Variants in AKT3 observed in about 807,000 individuals in gnomAD.
AKT3 encodes the protein RAC-gamma serine/threonine-protein kinase.
AKT3 carries 15 observed loss-of-function variants against 65.3 expected under a neutral mutation model. That is an observed-to-expected ratio of 0.23 (90% CI 0.15 to 0.35). AKT3 has a LOEUF of 0.35. AKT3 is among the 10% of genes least tolerant of loss of function. AKT3 has a pLI of 1.00. For missense variants in AKT3, 243 were observed against 576.5 expected, an observed-to-expected ratio of 0.42 and a Z score of 5.92; for synonymous variants, 206 against 183.8, an observed-to-expected ratio of 1.12 and a Z score of -0.98.
chr1:243,689,481 GATT>G (rs1684553069), intron 3 of AKT3, among the ~76,000 whole-genome samples: 1 of 135,690 alleles, frequency 7.4e-6, no homozygotes, highest in African/African-American at 2.9e-5. Flanking sequence ...TTTATTCAAA[GATT>G]TTTTTTTTTT....
In AKT3 at chr1:243,509,107, G is replaced by A. The variant is rs545488128; in HGVS notation, c.1354+3217C>T. Among the ~76,000 whole-genome samples the A allele has an allele frequency of 9.9e-5, 15 of 152,262 alleles. No individual in the cohort carries two copies. The East Asian group carries it at 2.1e-3, about 22-fold the overall frequency. On this transcript the variant is annotated intron_variant, in intron 13 of 13. Coordinates refer to ENST00000673466, the MANE Select transcript of AKT3 (RefSeq NM_005465.7). Reference sequence around the variant, plus strand: ...ACCTATTATCATTTAAAGACACCAAGGTTGTAGGGCTTTTACAGCATGATC... The same window carrying A: ...ACCTATTATCATTTAAAGACACCAAAGTTGTAGGGCTTTTACAGCATGATC...
intron 2 of AKT3, among the ~76,000 whole-genome samples, chr1:243,798,174 T>C (rs1437923365): frequency 6.8e-6 from 1 of 147,726 alleles, no homozygotes; most frequent in Non-Finnish European, 1.5e-5. Flanking sequence ...CCCAAAGTGC[T>C]GGGATTACAG....
At chr1:243,694,984 G>A (rs1684967397) in intron 3 of AKT3, among the ~76,000 whole-genome samples, 1 of 151,968 alleles carries the variant, frequency 6.6e-6, no homozygotes, top group Admixed American at 6.6e-5. Flanking sequence ...TATATTTGAA[G>A]AGTTGGAAGA....
At chr1:243,495,522 G>A (rs576470330), downstream of AKT3, among the ~76,000 whole-genome samples, 23 of 152,298 alleles carry the variant, frequency 1.5e-4, no homozygotes, top group South Asian at 4.1e-4. Flanking sequence ...GGCCTTAACC[G>A]TGAGCCCCCG....
chr1:243,635,586 T>A (rs1679915631), intron 6 of AKT3, among the ~76,000 whole-genome samples: 1 of 151,904 alleles, frequency 6.6e-6, no homozygotes, highest in African/African-American at 2.4e-5. Flanking sequence ...TAATAATTAT[T>A]ATGGGCAAAA....
chr1:243,650,206 G>A (rs966906406), intron 4 of AKT3, among the ~76,000 whole-genome samples: 1 of 151,936 alleles, frequency 6.6e-6, no homozygotes, highest in African/African-American at 2.4e-5. Context: ...CTGCATAAAT[G>A]TCTTTTGAGA....
At chr1:243,832,047 G>A (rs928187157) in intron 2 of AKT3, among the ~76,000 whole-genome samples, 5 of 134,894 alleles carry the variant, frequency 3.7e-5, no homozygotes, top group East Asian at 2.3e-4. Flanking sequence ...TTGGGAGGCC[G>A]AGGCATGAGG....
chr1:243,704,824 C>G (rs1685690908), intron 2 of AKT3, among the ~76,000 whole-genome samples: 1 of 152,082 alleles, frequency 6.6e-6, no homozygotes, highest in African/African-American at 2.4e-5. Context: ...TCTTGTCTTT[C>G]TCACTGATTT....
chr1:243,512,569 T>C, intron 12 of AKT3, 143 bp from the exon 13 acceptor site: 2 of 584,598 alleles, frequency 3.4e-6, no homozygotes, highest in Middle Eastern at 4.3e-4. Flanking sequence ...AGACATGATA[T>C]TTGGCTTCCC....
At chr1:243,710,292 A>G (rs1418212977) in intron 2 of AKT3, among the ~76,000 whole-genome samples, 4 of 152,242 alleles carry the variant, frequency 2.6e-5, no homozygotes, top group African/African-American at 7.2e-5. Flanking sequence ...CTTCTTTGGT[A>G]CTGTAAGTTG....
intron 6 of AKT3, chr1:243,624,565 A>G (rs1211674203): frequency 6.5e-6 from 1 of 153,460 alleles, no homozygotes; most frequent in Non-Finnish European, 1.5e-5. Context: ...AAGAATAACC[A>G]TTTAATCAAC....
chr1:243,768,918 C>T (rs991932952), intron 2 of AKT3, among the ~76,000 whole-genome samples: 2 of 151,824 alleles, frequency 1.3e-5, no homozygotes, highest in African/African-American at 4.8e-5. Context: ...TTATTACATT[C>T]ACAAGGCAGT....
At chr1:243,685,355 T>C (rs1183755169) in intron 3 of AKT3, among the ~76,000 whole-genome samples, 1 of 152,214 alleles carries the variant, frequency 6.6e-6, no homozygotes, top group Non-Finnish European at 1.5e-5. Context: ...AATTTGTGCA[T>C]AAAGTGTAAG....
chr1:243,556,288 A>C (rs1455835186), intron 10 of AKT3, among the ~76,000 whole-genome samples: 1 of 152,190 alleles, frequency 6.6e-6, no homozygotes, highest in African/African-American at 2.4e-5. Flanking sequence ...TTGAATTGTT[A>C]TTAATTTCAA....
intron 2 of AKT3, among the ~76,000 whole-genome samples, chr1:243,842,817 A>G (rs957042597): frequency 6.6e-6 from 1 of 152,234 alleles, no homozygotes; most frequent in Admixed American, 6.5e-5. Context: ...GATTCTAAAG[A>G]TATCTCTCCA....
intron 2 of AKT3, among the ~76,000 whole-genome samples, chr1:243,822,789 T>C (rs1303382257): frequency 6.6e-6 from 1 of 152,056 alleles, no homozygotes; most frequent in Non-Finnish European, 1.5e-5. Flanking sequence ...CAGTAATAAA[T>C]GGCATACTAA....
At chr1:243,671,178 T>A (rs1051896811) in intron 3 of AKT3, among the ~76,000 whole-genome samples, 3 of 151,142 alleles carry the variant, frequency 2.0e-5, no homozygotes, top group Middle Eastern at 3.4e-3. Flanking sequence ...CCCGGGTTCA[T>A]GCCATTCTCC....
At chr1:243,841,284 T>G (rs1032458503) in intron 2 of AKT3, among the ~76,000 whole-genome samples, 2 of 152,144 alleles carry the variant, frequency 1.3e-5, no homozygotes, top group Non-Finnish European at 2.9e-5. Context: ...TTGATAAATA[T>G]GTGGAGATAG....
At chr1:243,751,964 T>C (rs1341647522) in intron 2 of AKT3, among the ~76,000 whole-genome samples, 1 of 152,168 alleles carries the variant, frequency 6.6e-6, no homozygotes, top group African/African-American at 2.4e-5. Flanking sequence ...AAAACTCTAC[T>C]AGCTTCAGGG....
Sources: gnomAD v4.1 joint callset for allele counts (sites outside exome capture counted in the v4.1 genomes callset) on GRCh38, gnomAD v4.1.1 for gene constraint, MANE v1.5 for transcripts, NCBI Gene and HGNC (gene_info 2026-07-23, HGNC 2026-07-21) for gene names.